PSIP1: variants seen among roughly 807,000 people sequenced by gnomAD.
PSIP1 encodes PC4 and SRSF1 interacting protein 1.
PSIP1 carries 19 observed loss-of-function variants against 74.7 expected under a neutral mutation model. That is an observed-to-expected ratio of 0.25 (90% CI 0.18 to 0.37). The LOEUF is 0.37. PSIP1 is among the 10% of genes least tolerant of loss of function. The pLI is 1.00. For missense variants in PSIP1, 601 were observed against 614.3 expected (o/e 0.98, Z 0.23); for synonymous variants, 222 against 195.3 (o/e 1.14, Z -1.14).
intron 3 of PSIP1, among the ~76,000 whole-genome samples, chr9:15,495,135 A>G (rs1218764563): frequency 6.6e-6 from 1 of 152,166 alleles, no homozygotes. Context: ...AAAATCCCCA[A>G]AGGGCTCAAA....
chr9:15,485,787 G>A, intron 6 of PSIP1: 2 of 396,936 alleles, frequency 5.0e-6, no homozygotes, highest in Non-Finnish European at 8.9e-6. Flanking sequence ...ATGAAAACTG[G>A]TGTATTTTAT....
At chr9:15,491,353 A>G (rs2132148771) in intron 3 of PSIP1, among the ~76,000 whole-genome samples, 1 of 152,350 alleles carries the variant, frequency 6.6e-6, no homozygotes, top group South Asian at 2.1e-4. Flanking sequence ...CTGAAAAAAG[A>G]AGGCAAGCAT....
intron 3 of PSIP1, chr9:15,505,849 A>G (rs1169571229): frequency 6.6e-6 from 1 of 152,258 alleles, no homozygotes. Context: ...CAGAATAGCA[A>G]TAGTTTTGTT....
At chr9:15,466,956 A>G in intron 14 of PSIP1, 97 bp from the exon 15 acceptor site, 2 of 845,646 alleles carry the variant, frequency 2.4e-6, no homozygotes, top group South Asian at 1.5e-5. Flanking sequence ...CAACATGGCC[A>G]TCGTGTTTCT....
Position 15,466,833 on chromosome 9 carries a change from C to A in PSIP1, c.1447G>T (p.Asp483Tyr), listed in dbSNP as rs2035657127. ...TGSKTLNGGSDAQDGNQPQHN... is the reference protein window; with the variant it reads ...TGSKTLNGGSYAQDGNQPQHN... The stretch of plus-strand genomic sequence containing the variant: ...TGTGGCTGATTACCATCTTGAGCAT[C>A]AGATCCTCCATTTAGAGTCTTTGAC... Residue 483 changes from aspartate (D) to tyrosine (Y), a missense_variant, in exon 15 of 16, where the codon GAT (aspartate) becomes TAT (tyrosine). Coordinates refer to ENST00000380733, the MANE Select transcript of PSIP1 (RefSeq NM_033222.5). The A allele has an allele frequency of 6.2e-7, 1 of 1,613,036 alleles. No homozygotes were observed. The highest frequency in any genetic ancestry group is 8.5e-7 in the Non-Finnish European group (1 of 1,179,684).
intron 9 of PSIP1, 66 bp downstream of exon 9, chr9:15,473,942 GA>G (rs1248144857): frequency 7.6e-6 from 5 of 653,982 alleles, no homozygotes; most frequent in Non-Finnish European, 1.1e-5. Context: ...AAAAAACAAA[GA>G]AAAAACAAAA....
rs1333074823 is a variant in PSIP1, at chr9:15,469,346, AAAATATGTG to A, written c.1034-19_1034-11del. The A allele has an allele frequency of 6.6e-7, 1 of 1,519,914 alleles. No individual in the cohort carries two copies. Among genetic ancestry groups the A allele is most frequent in the Non-Finnish European group, 9.0e-7 (1 of 1,114,228 alleles). 94.2% of individuals were successfully genotyped at this position (1,519,914 alleles called of 1,614,324 possible). ...GAATCCATTGATGTTTCTACAAATT[AAAATATGTG>A]AAAAACAGTGAACAGTTTTTCCAAA... On this transcript the variant is annotated splice_polypyrimidine_tract_variant and intron_variant, in intron 11 of 15. Coordinates refer to ENST00000380733, the MANE Select transcript of PSIP1 (RefSeq NM_033222.5).
chr9:15,493,312 C>T (rs949574133), intron 3 of PSIP1, among the ~76,000 whole-genome samples: 2 of 152,180 alleles, frequency 1.3e-5, no homozygotes, highest in East Asian at 1.9e-4. Flanking sequence ...GTTCCCAACA[C>T]GCTCCTCATC....
chr9:15,486,219 C>T (rs571549637), intron 5 of PSIP1, 151 bp from the exon 6 acceptor site: 2 of 569,424 alleles, frequency 3.5e-6, no homozygotes, highest in African/African-American at 3.8e-5. Flanking sequence ...AACATTGTGT[C>T]TCAACATTAT....
chr9:15,493,354 T>C (rs112894061), intron 3 of PSIP1, among the ~76,000 whole-genome samples: 5,510 of 152,260 alleles, frequency 0.036, 314 homozygotes, highest in African/African-American at 0.12. Flanking sequence ...CTGGAGTTCA[T>C]TGGCCATATC....
intron 4 of PSIP1, 143 bp from the exon 5 acceptor site, chr9:15,487,074 T>C (rs1297008464): frequency 2.0e-6 from 1 of 489,816 alleles, no homozygotes; most frequent in African/African-American, 2.0e-5. Flanking sequence ...TATGGTTCAC[T>C]GAAGCCTCAA....
intron 15 of PSIP1, among the ~76,000 whole-genome samples, chr9:15,466,213 A>G (rs1182441400): frequency 1.3e-5 from 2 of 152,194 alleles, no homozygotes; most frequent in African/African-American, 4.8e-5. Context: ...CCTCATCTCT[A>G]CTAAAAATAC....
chr9:15,487,389 G>A (rs1014262229), intron 4 of PSIP1, among the ~76,000 whole-genome samples: 3 of 151,664 alleles, frequency 2.0e-5, no homozygotes, highest in African/African-American at 7.3e-5. Context: ...GAAGTCGGGC[G>A]TTCAAGACCA....
intron 3 of PSIP1, among the ~76,000 whole-genome samples, chr9:15,501,694 C>T (rs1027274947): frequency 1.3e-5 from 2 of 151,748 alleles, no homozygotes; most frequent in Non-Finnish European, 2.9e-5. Flanking sequence ...TGAAGGTTTT[C>T]AGTGAAATGA....
chr9:15,473,915 C>CAA (rs386414512), intron 9 of PSIP1, 94 bp downstream of exon 9: 1,713 of 598,296 alleles, frequency 2.9e-3, no homozygotes, highest in East Asian at 5.8e-3. Context: ...AAAAAAAAAA[C>CAA]AAAAAAAAAA....
intron 10 of PSIP1, chr9:15,471,752 ATATAT>A (rs1252451253): frequency 3.1e-6 from 3 of 961,116 alleles, no homozygotes; most frequent in South Asian, 4.8e-5. Context: ...TGGCTTACGG[ATATAT>A]TATATAAAGA....
At chr9:15,477,641 C>G (rs2036148801) in intron 8 of PSIP1, among the ~76,000 whole-genome samples, 1 of 151,874 alleles carries the variant, frequency 6.6e-6, no homozygotes, top group Admixed American at 6.6e-5. Flanking sequence ...TCTATTCCTT[C>G]TGGCAAAGAT....
rs1330090617 is a variant in PSIP1, at chr9:15,468,742, G to A, written c.1308C>T (p.Ile436=). 6.2e-7 allele frequency: 1 copy of A among 1,614,028 alleles called. No homozygotes were observed. The highest frequency in any genetic ancestry group is 8.5e-7 in the Non-Finnish European group (1 of 1,179,940). Residue 436 remains isoleucine, a synonymous_variant, in exon 14 of 16, where the codon ATC becomes ATT. Transcript: ENST00000380733. The part of the protein sequence containing the change: ...MFLVGEGDSV[I]TQVLNKSLAE... ...CAAGAGATTTATTCAGCACTTGGGT[G>A]ATCACGGAATCTCCTTCACCAACCA...
At chr9:15,508,054 TACCTAGC>T (rs1271270698) in intron 2 of PSIP1, among the ~76,000 whole-genome samples, 1 of 152,218 alleles carries the variant, frequency 6.6e-6, no homozygotes, top group African/African-American at 2.4e-5. Context: ...TTTATGCAAA[TACCTAGC>T]ACCTATAGCC....
Sources: gnomAD v4.1 joint callset for allele counts (sites outside exome capture counted in the v4.1 genomes callset) on GRCh38, gnomAD v4.1.1 for gene constraint, MANE v1.5 for transcripts, NCBI Gene and HGNC (gene_info 2026-07-23, HGNC 2026-07-21) for gene names.